Variants in PABPC1 observed in about 807,000 individuals in gnomAD.
The protein encoded by PABPC1 is polyadenylate-binding protein 1.
Under a neutral mutation model 74.0 loss-of-function variants are expected in PABPC1, and 4 were observed. The ratio of observed to expected loss-of-function variants is 0.05; its 90% CI spans 0.03 to 0.12. PABPC1 has a LOEUF of 0.12. PABPC1 is among the 10% of genes least tolerant of loss of function. PABPC1 has a pLI of 1.00. For missense variants in PABPC1, 271 were observed against 821.1 expected, an observed-to-expected ratio of 0.33 and a Z score of 8.19; for synonymous variants, 227 against 264.1, an observed-to-expected ratio of 0.86 and a Z score of 1.36.
intron 4 of PABPC1, 135 bp from the exon 5 acceptor site, chr8:100,713,316 C>G: frequency 3.9e-6 from 2 of 516,402 alleles, no homozygotes; most frequent in South Asian, 6.6e-5. Flanking sequence ...GCCTTCTATG[C>G]CCCAGGTAGG....
intron 7 of PABPC1, among the ~76,000 whole-genome samples, chr8:100,710,043 T>G (rs1243167466): frequency 6.6e-6 from 1 of 152,204 alleles, no homozygotes; most frequent in Non-Finnish European, 1.5e-5. Context: ...TCTAAATAAA[T>G]ACATCCCAGG....
intron 13 of PABPC1, 78 bp from the exon 14 acceptor site, chr8:100,704,468 TC>T: frequency 8.6e-7 from 1 of 1,158,176 alleles, no homozygotes; most frequent in East Asian, 2.3e-5. Flanking sequence ...ACATACCAAT[TC>T]CCAACAAAGA....
At chr8:100,704,071 A>AC in intron 14 of PABPC1, 2 of 407,532 alleles carry the variant, frequency 4.9e-6, no homozygotes, top group Non-Finnish European at 8.8e-6. Context: ...AAAAAAAAAA[A>AC]AAAACACCAC....
At chr8:100,719,088 C>A (rs1810745585) in intron 1 of PABPC1, among the ~76,000 whole-genome samples, 1 of 152,156 alleles carries the variant, frequency 6.6e-6, no homozygotes, top group Admixed American at 6.5e-5. Flanking sequence ...ATTTCAAAAT[C>A]TACAATTAAT....
At position 100,709,497 on chromosome 8, in the gene PABPC1, C is replaced by A. The variant is rs1412710740; in HGVS notation, c.1207G>T (p.Ala403Ser). The part of the protein sequence containing the change: ...PNPVINPYQP[A>S]PPSGYFMAAI... ...GCCATGAAGTAACCTGAAGGAGGTG[C>A]TGGCTGGTAGGGGTTGATTACAGGG... Residue 403 changes from alanine (A) to serine (S), a missense_variant, in exon 8 of 15, where the codon GCA becomes TCA. By Grantham distance (99) the Ala-to-Ser change is moderately conservative (BLOSUM62 1). Around this residue, in one of 7 missense-constraint regions of PABPC1, gnomAD observed 103 missense variants for 245.3 expected, o/e 0.42. Transcript: ENST00000318607. 1.2e-6 allele frequency: 2 copies of A among 1,614,202 alleles called. No individual in the cohort carries two copies. Among genetic ancestry groups the A allele is most frequent in the Non-Finnish European group, 1.7e-6 (2 of 1,180,046 alleles).
At chr8:100,704,073 A>G in intron 14 of PABPC1, 1 of 400,978 alleles carries the variant, frequency 2.5e-6, no homozygotes. Context: ...AAAAAAAAAA[A>G]AACACCACCT....
rs187168382 is a variant in PABPC1 at position 100,718,442 on chromosome 8, C to T, written c.194-162G>A. ...GGCTAGACCTTTCAAGTATCACACA[C>T]TAGTGTGGGACCTAAGTTGTATAAA... On this transcript the variant is annotated intron_variant, in intron 1 of 14. Transcript: ENST00000318607. 3.9e-5 allele frequency among the ~76,000 whole-genome samples: 6 copies of T among 152,334 alleles called. No homozygotes were observed. In the East Asian group the frequency reaches 1.2e-3, roughly 29 times the overall value.
intron 4 of PABPC1, among the ~76,000 whole-genome samples, chr8:100,713,571 A>T (rs1256867275): frequency 1.3e-5 from 2 of 152,038 alleles, no homozygotes; most frequent in African/African-American, 2.4e-5. Flanking sequence ...AGCTCACTTT[A>T]ACTCAACTCC....
At chr8:100,706,461 T>C (rs1810381446) in intron 11 of PABPC1, among the ~76,000 whole-genome samples, 190 bp downstream of exon 11, 1 of 151,812 alleles carries the variant, frequency 6.6e-6, no homozygotes. Context: ...ACCCAGCTAG[T>C]TTTCTTTGTG....
intron 3 of PABPC1, 80 bp from the exon 4 acceptor site, chr8:100,715,681 T>C (rs531851031): frequency 2.0e-6 from 2 of 980,894 alleles, no homozygotes; most frequent in South Asian, 4.2e-5. Context: ...GTTGGTTTTG[T>C]TACTGTTAAT....
intron 1 of PABPC1, among the ~76,000 whole-genome samples, chr8:100,719,291 A>C (rs1810750848): frequency 6.6e-6 from 1 of 152,090 alleles, no homozygotes; most frequent in South Asian, 2.1e-4. Flanking sequence ...TTTTCCGGCC[A>C]CCTCTTTTTT....
chr8:100,709,181 G>T lies in PABPC1; in HGVS notation c.1288C>A (p.Gln430Lys). ...GTCCAGCGAGGACTTGGTCTTAGTT[G>T]AGCAATTTGGCTAGGAGGATAGTAT... ...AAYYPPSQIA[Q>K]LRPSPRWTAQ... The change falls in exon 9 of 15, where the codon CAA becomes AAA. Residue 430 changes from glutamine to lysine, a missense_variant. Around this residue, in one of 7 missense-constraint regions of PABPC1, gnomAD observed 103 missense variants for 245.3 expected, o/e 0.42. Transcript: ENST00000318607. The T allele has an allele frequency of 6.2e-7, 1 of 1,614,094 alleles. No homozygotes were observed. The highest frequency in any genetic ancestry group is 1.1e-5 in the South Asian group (1 of 91,072).
At chr8:100,705,448 G>C in intron 12 of PABPC1, 141 bp downstream of exon 12, 2 of 716,386 alleles carry the variant, frequency 2.8e-6, no homozygotes, top group Non-Finnish European at 5.1e-6. Context: ...TAATTAGGCA[G>C]ACCAACTGTA....
rs200482411 is a variant in PABPC1, at chr8:100,715,579, G to A, written c.526C>T (p.Arg176Cys). The A allele has an allele frequency of 6.2e-7, 1 of 1,610,568 alleles. No homozygotes were observed. Among genetic ancestry groups the A allele is most frequent in the Non-Finnish European group, 8.5e-7 (1 of 1,177,686 alleles). ...RKVFVGRFKS[R>C]KEREAELGAR... ...CCAAGTTCAGCTTCTCGTTCTTTACGAGACTTAAATCGTCCAACAAATCTA... is the reference window on the plus strand; with the variant it reads ...CCAAGTTCAGCTTCTCGTTCTTTACAAGACTTAAATCGTCCAACAAATCTA... Residue 176 changes from arginine to cysteine, a missense_variant, in exon 4 of 15, where the codon CGT becomes TGT. Physicochemically the swap from Arg to Cys is radical, Grantham distance 180. This residue lies in a region of PABPC1 where 78 missense variants were observed against 202.8 expected (regional missense o/e 0.38). Coordinates refer to ENST00000318607, the MANE Select transcript of PABPC1 (RefSeq NM_002568.4).
At chr8:100,714,859 T>C (rs1810625160) in intron 4 of PABPC1, among the ~76,000 whole-genome samples, 1 of 152,198 alleles carries the variant, frequency 6.6e-6, no homozygotes, top group African/African-American at 2.4e-5. Flanking sequence ...AAAGTTATTT[T>C]ATCTGTTATA....
intron 13 of PABPC1, 114 bp from the exon 14 acceptor site, chr8:100,704,504 T>C (rs904130449): frequency 3.3e-6 from 3 of 896,642 alleles, no homozygotes; most frequent in Admixed American, 4.0e-5. Context: ...CAAATGAAAG[T>C]ATAAATTGTT....
intron 11 of PABPC1, among the ~76,000 whole-genome samples, chr8:100,706,232 G>GTAAGACATTTTACATAC (rs1810375292): frequency 6.6e-6 from 1 of 152,132 alleles, no homozygotes; most frequent in South Asian, 2.1e-4. Flanking sequence ...TTCCAAAAGC[G>GTAAGACATTTTACATAC]TAAGACATTT....
chr8:100,705,018 T>A lies in PABPC1; in HGVS notation c.1726A>T (p.Thr576Ser), dbSNP rs749427774. The change falls in exon 13 of 15, where the codon ACT becomes TCT. Residue 576 changes from threonine to serine, a missense_variant. Coordinates refer to ENST00000318607, the MANE Select transcript of PABPC1 (RefSeq NM_002568.4). ...ATGCCAGTGATTTTACCAGCAAGAG[T>A]AGGGTGCATGGCTTGAATAAGAGGA... ...LFPLIQAMHP[T>S]LAGKITGMLL... 6.2e-7 allele frequency: 1 copy of A among 1,613,908 alleles called. No individual in the cohort carries two copies. Among genetic ancestry groups the A allele is most frequent in the Non-Finnish European group, 8.5e-7 (1 of 1,179,958 alleles).
At position 100,704,906 on chromosome 8, in the gene PABPC1, G is replaced by C; in HGVS notation, c.1818+20C>G. 6.2e-7 allele frequency: 1 copy of C among 1,610,462 alleles called. No homozygotes were observed. The highest frequency in any genetic ancestry group is 8.5e-7 in the Non-Finnish European group (1 of 1,179,180). On this transcript the variant is annotated intron_variant, in intron 13 of 14. Transcript: ENST00000318607. ...GTAATAACTGTGTAAGAGGCAACTT[G>C]GTAAATAAATTTAAATCACCTTAGA...
Sources: allele counts gnomAD v4.1 joint callset (sites outside exome capture counted in the v4.1 genomes callset), GRCh38; gene constraint gnomAD v4.1.1; regional missense constraint gnomAD v4.1.1; transcripts MANE v1.5; gene names NCBI Gene and HGNC (gene_info 2026-07-23, HGNC 2026-07-21).